Variants in DENND1B observed in about 807,000 individuals in gnomAD.
The protein encoded by DENND1B is DENN domain-containing protein 1B.
Under a neutral mutation model 90.1 loss-of-function variants are expected in DENND1B, and 59 were observed. The observed-to-expected ratio is 0.65, with a 90% confidence interval of 0.53 to 0.81. The LOEUF (loss-of-function observed/expected upper bound fraction) is 0.81. Among genes scored for constraint, DENND1B ranks in the 40% least tolerant of loss-of-function variants. DENND1B has a pLI of 0.00. For synonymous variants in DENND1B, 337 were observed against 324.6 expected (o/e 1.04, Z -0.41); for missense variants, 862 against 912.6 (o/e 0.94, Z 0.71).
At chr1:197,747,536 A>T (rs894853169) in intron 2 of DENND1B, 2 of 199,646 alleles carry the variant, frequency 1.0e-5, no homozygotes, top group Non-Finnish European at 2.0e-5. Flanking sequence ...GAGTTACCAA[A>T]ATGTGACACA....
intron 6 of DENND1B, among the ~76,000 whole-genome samples, chr1:197,655,798 C>T (rs1653757818): frequency 6.6e-6 from 1 of 152,142 alleles, no homozygotes. Context: ...TCCCAAAGTG[C>T]TGGGATTACA....
chr1:197,517,650 A>C (rs1668491649), intron 20 of DENND1B, among the ~76,000 whole-genome samples: 1 of 151,882 alleles, frequency 6.6e-6, no homozygotes, highest in Non-Finnish European at 1.5e-5. Context: ...TTTAAAAGGC[A>C]AACCTAATCA....
intron 2 of DENND1B, among the ~76,000 whole-genome samples, chr1:197,762,216 T>C (rs960426023): frequency 6.6e-6 from 1 of 151,490 alleles, no homozygotes. Context: ...AAGACCTAGC[T>C]CAAGATAGAC....
intron 3 of DENND1B, among the ~76,000 whole-genome samples, chr1:197,675,999 C>T (rs562213989): frequency 1.4e-5 from 2 of 147,530 alleles, no homozygotes; most frequent in East Asian, 2.0e-4. Flanking sequence ...AAGCATCCCT[C>T]AGGGGACAAG....
At chr1:197,530,721 A>T (rs1440809444) in intron 20 of DENND1B, among the ~76,000 whole-genome samples, 1 of 152,214 alleles carries the variant, frequency 6.6e-6, no homozygotes, top group Non-Finnish European at 1.5e-5. Flanking sequence ...GGTAACCATA[A>T]ACAAACAGCT....
At chr1:197,640,683 T>C (rs969249347) in intron 10 of DENND1B, among the ~76,000 whole-genome samples, 1 of 152,132 alleles carries the variant, frequency 6.6e-6, no homozygotes, top group Non-Finnish European at 1.5e-5. Flanking sequence ...AAGAGGTGGA[T>C]ATAAATTAAA....
At chr1:197,765,774 A>G (rs1655624542) in intron 2 of DENND1B, among the ~76,000 whole-genome samples, 1 of 152,242 alleles carries the variant, frequency 6.6e-6, no homozygotes, top group Non-Finnish European at 1.5e-5. Flanking sequence ...GTCACCTTAG[A>G]TTAAAGCGGC....
chr1:197,600,281 C>T (rs909271355), intron 13 of DENND1B, among the ~76,000 whole-genome samples: 11 of 151,804 alleles, frequency 7.2e-5, no homozygotes, highest in Non-Finnish European at 1.0e-4. Context: ...CCTTTCTTTG[C>T]TAATGGAAAT....
At chr1:197,574,476 T>C (rs1214228107) in intron 15 of DENND1B, among the ~76,000 whole-genome samples, 1 of 152,170 alleles carries the variant, frequency 6.6e-6, no homozygotes, top group Non-Finnish European at 1.5e-5. Context: ...TCCACATTCA[T>C]GGATAGGAAG....
At chr1:197,625,811 A>G (rs1678648366) in intron 10 of DENND1B, among the ~76,000 whole-genome samples, 1 of 152,170 alleles carries the variant, frequency 6.6e-6, no homozygotes, top group Non-Finnish European at 1.5e-5. Flanking sequence ...GGCTCAAAAT[A>G]AAAGGATGGA....
chr1:197,775,477 T>G lies in DENND1B; in HGVS notation c.-322A>C. On this transcript the variant is annotated 5_prime_UTR_variant, in exon 1 of 23. Coordinates refer to ENST00000620048, the MANE Select transcript of DENND1B (RefSeq NM_001195215.2). ...CGCCCGCTGCGGCTCCTGCACCTTC[T>G]TGCAAATCAGGAAGTCGCCGGGAGG... 1 of 226,778 alleles carries G rather than the reference T, an allele frequency of 4.4e-6. No individual in the cohort carries two copies. The allele number at this position is 226,778 out of a possible 1,614,324, so 14.0% of individuals were successfully genotyped here.
intron 3 of DENND1B, among the ~76,000 whole-genome samples, chr1:197,700,472 T>A (rs564648821): frequency 9.9e-4 from 150 of 152,212 alleles, no homozygotes; most frequent in South Asian, 5.2e-3. Flanking sequence ...TCAAGATGGA[T>A]TAAAGATTTA....
intron 2 of DENND1B, among the ~76,000 whole-genome samples, chr1:197,721,990 G>A (rs527958654): frequency 2.0e-5 from 3 of 152,210 alleles, no homozygotes; most frequent in Non-Finnish European, 4.4e-5. Flanking sequence ...TATGCTGTAT[G>A]CTGTATACAT....
chr1:197,652,354 T>C (rs762121512), intron 6 of DENND1B, 39 bp from the exon 7 acceptor site: 1 of 1,521,864 alleles, frequency 6.6e-7, no homozygotes, highest in Non-Finnish European at 9.0e-7. Flanking sequence ...AAATAAAACA[T>C]ATACCAAGCA....
chr1:197,609,489 C>T (rs186486492), intron 12 of DENND1B, among the ~76,000 whole-genome samples: 5 of 150,616 alleles, frequency 3.3e-5, no homozygotes, highest in African/African-American at 1.2e-4. Flanking sequence ...GAGTTCATCC[C>T]CAAAGTCTAG....
At chr1:197,755,479 A>G (rs892626568) in intron 2 of DENND1B, among the ~76,000 whole-genome samples, 1 of 152,206 alleles carries the variant, frequency 6.6e-6, no homozygotes, top group Non-Finnish European at 1.5e-5. Context: ...GAAAAAAAAG[A>G]TCGGACTTTT....
intron 10 of DENND1B, 130 bp downstream of exon 10, chr1:197,642,581 C>G: frequency 1.8e-6 from 1 of 552,394 alleles, no homozygotes; most frequent in South Asian, 3.4e-5. Flanking sequence ...AGATTAAAAC[C>G]ATACATCAAA....
intron 15 of DENND1B, among the ~76,000 whole-genome samples, chr1:197,569,097 C>T (rs1672930110): frequency 6.6e-6 from 1 of 151,208 alleles, no homozygotes; most frequent in Non-Finnish European, 1.5e-5. Flanking sequence ...AATAAATAAC[C>T]CAATTAAAAA....
chr1:197,572,030 G>T (rs987173962), intron 15 of DENND1B, among the ~76,000 whole-genome samples: 1 of 152,098 alleles, frequency 6.6e-6, no homozygotes, highest in Non-Finnish European at 1.5e-5. Flanking sequence ...CTGCATTTCC[G>T]ATTGAGGTAC....
Sources: allele counts gnomAD v4.1 joint callset (sites outside exome capture counted in the v4.1 genomes callset), GRCh38; gene constraint gnomAD v4.1.1; transcripts MANE v1.5; gene names NCBI Gene and HGNC (gene_info 2026-07-23, HGNC 2026-07-21).